SLC24A2: variants seen among roughly 807,000 people sequenced by gnomAD.
SLC24A2 encodes solute carrier family 24 member 2, also known as sodium/potassium/calcium exchanger 2.
Under a neutral mutation model 62.0 loss-of-function variants are expected in SLC24A2, and 36 were observed. The ratio of observed to expected loss-of-function variants is 0.58; its 90% confidence interval spans 0.44 to 0.77. The LOEUF (loss-of-function observed/expected upper bound fraction) is 0.77, where lower values mean the gene tolerates loss of function less well. Ranked by LOEUF, SLC24A2 falls within the 30% of genes least tolerant of loss-of-function variation. The pLI is 0.00. For missense variants in SLC24A2, 846 were observed against 817.9 expected (o/e 1.03, Z -0.42); for synonymous variants, 358 against 294.0 (o/e 1.22, Z -2.23).
At chr9:20,182,565 C>A in the SLC24A2 span, among the ~76,000 whole-genome samples, 1 of 152,150 alleles carries the variant, frequency 6.6e-6, no homozygotes, top group Admixed American at 6.5e-5. Flanking sequence ...TGTTATCACC[C>A]ATAAGTGGGA....
chr9:19,699,944 T>C (rs1820307456), intron 2 of SLC24A2, among the ~76,000 whole-genome samples: 1 of 152,166 alleles, frequency 6.6e-6, no homozygotes, highest in Non-Finnish European at 1.5e-5. Context: ...TCCTGAGACC[T>C]GAGCTCCATG....
the SLC24A2 span, among the ~76,000 whole-genome samples, chr9:19,838,581 G>C: frequency 6.6e-6 from 1 of 151,680 alleles, no homozygotes; most frequent in African/African-American, 2.4e-5. Flanking sequence ...GGAAGTTGCA[G>C]TGAGTCGAGA....
At chr9:19,598,922 T>C (rs1271916529) in intron 4 of SLC24A2, among the ~76,000 whole-genome samples, 1 of 152,186 alleles carries the variant, frequency 6.6e-6, no homozygotes, top group East Asian at 1.9e-4. Flanking sequence ...TTCCCTGAGG[T>C]AAGCAGTGGA....
At chr9:19,849,339 G>A in the SLC24A2 span, among the ~76,000 whole-genome samples, 1 of 152,126 alleles carries the variant, frequency 6.6e-6, no homozygotes, top group Non-Finnish European at 1.5e-5. Context: ...CTCTGATAAT[G>A]TAAAGCATAT....
At chr9:20,023,566 C>G in the SLC24A2 span, among the ~76,000 whole-genome samples, 43 of 152,280 alleles carry the variant, frequency 2.8e-4, no homozygotes, top group Admixed American at 1.8e-3. Flanking sequence ...AAAGCCCCCC[C>G]ACCTATAACC....
intron 8 of SLC24A2, among the ~76,000 whole-genome samples, chr9:19,543,637 T>G (rs1428953473): frequency 6.6e-6 from 1 of 152,176 alleles, no homozygotes; most frequent in African/African-American, 2.4e-5. Flanking sequence ...TGTTGTTAGT[T>G]CTCATTGGTT....
At chr9:19,655,646 G>T (rs1407872580) in intron 2 of SLC24A2, among the ~76,000 whole-genome samples, 1 of 152,114 alleles carries the variant, frequency 6.6e-6, no homozygotes, top group African/African-American at 2.4e-5. Flanking sequence ...GCACTAATTG[G>T]TGAAAAATTT....
At chr9:19,864,749 C>A in the SLC24A2 span, among the ~76,000 whole-genome samples, 19 of 152,114 alleles carry the variant, frequency 1.2e-4, no homozygotes, top group South Asian at 1.5e-3. Context: ...TGGGGATAAA[C>A]TGAAAGCCTT....
chr9:20,051,657 C>CTCTTTTTTT, the SLC24A2 span, among the ~76,000 whole-genome samples: 14 of 73,514 alleles, frequency 1.9e-4, no homozygotes, highest in East Asian at 3.6e-4. Flanking sequence ...TTTTCTTTCT[C>CTCTTTTTTT]TTTTTTTTTT....
chr9:20,177,186 T>C, the SLC24A2 span, among the ~76,000 whole-genome samples: 2 of 152,152 alleles, frequency 1.3e-5, no homozygotes, highest in Admixed American at 1.3e-4. Context: ...TTGTTAAATA[T>C]CTGTTTGTCA....
At chr9:19,836,171 A>T in the SLC24A2 span, among the ~76,000 whole-genome samples, 1 of 152,190 alleles carries the variant, frequency 6.6e-6, no homozygotes, top group Non-Finnish European at 1.5e-5. Context: ...AAAGAACTAG[A>T]GAAGCAAGAG....
the SLC24A2 span, among the ~76,000 whole-genome samples, chr9:19,821,992 A>G: frequency 6.6e-6 from 1 of 152,150 alleles, no homozygotes; most frequent in African/African-American, 2.4e-5. Context: ...GGGACTTGAT[A>G]TAGTGTGCAA....
the SLC24A2 span, among the ~76,000 whole-genome samples, chr9:20,212,568 A>T: frequency 1.3e-3 from 201 of 151,778 alleles, 7 homozygotes; most frequent in East Asian, 0.031. Flanking sequence ...CATCTATACT[A>T]TGTATATATA....
the SLC24A2 span, among the ~76,000 whole-genome samples, chr9:20,062,027 G>A: frequency 1.3e-5 from 2 of 152,144 alleles, no homozygotes; most frequent in African/African-American, 4.8e-5. Flanking sequence ...CTTGAGGCCA[G>A]GAGTTCAACA....
the SLC24A2 span, among the ~76,000 whole-genome samples, chr9:20,061,501 G>A: frequency 6.6e-6 from 1 of 152,022 alleles, no homozygotes; most frequent in Admixed American, 6.6e-5. Context: ...TGGCCAGGCT[G>A]GTCTTGAGCT....
At chr9:19,664,106 C>T (rs1819180654) in intron 2 of SLC24A2, among the ~76,000 whole-genome samples, 1 of 152,232 alleles carries the variant, frequency 6.6e-6, no homozygotes, top group Non-Finnish European at 1.5e-5. Context: ...GAAGTCACAT[C>T]ACGCATAGAT....
At chr9:20,126,804 C>G in the SLC24A2 span, among the ~76,000 whole-genome samples, 1 of 152,108 alleles carries the variant, frequency 6.6e-6, no homozygotes, top group Non-Finnish European at 1.5e-5. Flanking sequence ...TAGGCAGGAA[C>G]AGAATGTGTG....
At chr9:20,225,858 A>G in the SLC24A2 span, among the ~76,000 whole-genome samples, 2 of 151,818 alleles carry the variant, frequency 1.3e-5, no homozygotes, top group Admixed American at 6.6e-5. Flanking sequence ...GTTTCCCAGC[A>G]TTTGTTCCTC....
At chr9:19,939,845 C>T in the SLC24A2 span, among the ~76,000 whole-genome samples, 3 of 152,138 alleles carry the variant, frequency 2.0e-5, no homozygotes, top group African/African-American at 4.8e-5. Flanking sequence ...TAGTGAATTA[C>T]GGCTATGCTA....
Sources: allele counts gnomAD v4.1 joint callset (sites outside exome capture counted in the v4.1 genomes callset), GRCh38; gene constraint gnomAD v4.1.1; transcripts MANE v1.5; gene names NCBI Gene and HGNC (gene_info 2026-07-23, HGNC 2026-07-21).